FRMD4B: variants seen among roughly 807,000 people sequenced by gnomAD.
The protein encoded by FRMD4B is FERM domain-containing protein 4B.
A neutral mutation model predicts 141.5 loss-of-function variants in FRMD4B; 74 were observed. That is an observed-to-expected ratio of 0.52 (90% CI 0.43 to 0.63). FRMD4B has a LOEUF of 0.63. FRMD4B is among the 30% of genes least tolerant of loss of function. The pLI is 0.00. For missense variants in FRMD4B, 1,366 were observed against 1,253.4 expected (o/e 1.09, Z -1.36); for synonymous variants, 506 against 467.9 (o/e 1.08, Z -1.05).
chr3:69,486,511 G>A (rs1271786681), intron 1 of FRMD4B, among the ~76,000 whole-genome samples: 1 of 152,212 alleles, frequency 6.6e-6, no homozygotes, highest in Non-Finnish European at 1.5e-5. Context: ...GATTTGGCCT[G>A]TGGATTGCTG....
At chr3:69,376,991 G>A (rs900695167) in intron 1 of FRMD4B, 9 of 151,916 alleles carry the variant, frequency 5.9e-5, no homozygotes, top group East Asian at 1.9e-4. Context: ...TGAAGAGTCC[G>A]GAGAGTCCGT....
At chr3:69,401,307 G>T (rs990150455) in intron 2 of FRMD4B, among the ~76,000 whole-genome samples, 4 of 152,250 alleles carry the variant, frequency 2.6e-5, no homozygotes, top group African/African-American at 9.6e-5. Flanking sequence ...AAACTACACG[G>T]GACAGAGGAG....
intron 1 of FRMD4B, among the ~76,000 whole-genome samples, chr3:69,531,724 CA>C (rs1701011538): frequency 6.6e-6 from 1 of 152,174 alleles, no homozygotes; most frequent in East Asian, 1.9e-4. Flanking sequence ...CTCTGAGATC[CA>C]AAAAAGACCA....
At chr3:69,466,099 G>C (rs1325578604) in intron 1 of FRMD4B, among the ~76,000 whole-genome samples, 1 of 152,030 alleles carries the variant, frequency 6.6e-6, no homozygotes, top group Non-Finnish European at 1.5e-5. Flanking sequence ...GGCATGAGAT[G>C]GTATCTCACT....
intron 1 of FRMD4B, among the ~76,000 whole-genome samples, chr3:69,349,905 T>G (rs1384957964): frequency 6.6e-6 from 1 of 152,122 alleles, no homozygotes; most frequent in Non-Finnish European, 1.5e-5. Context: ...ATTCAGGACA[T>G]AGGCATGGGC....
intron 1 of FRMD4B, among the ~76,000 whole-genome samples, chr3:69,504,486 C>T (rs1344436214): frequency 1.3e-5 from 2 of 152,166 alleles, no homozygotes; most frequent in Non-Finnish European, 2.9e-5. Context: ...CCACCCCTCC[C>T]AGACCCAGGC....
At chr3:69,497,852 C>A (rs1261022467) in intron 1 of FRMD4B, among the ~76,000 whole-genome samples, 1 of 152,258 alleles carries the variant, frequency 6.6e-6, no homozygotes, top group African/African-American at 2.4e-5. Flanking sequence ...TCCTGAGTAT[C>A]TGGGACTACA....
chr3:69,256,540 G>A (rs937468962), intron 5 of FRMD4B, among the ~76,000 whole-genome samples: 34 of 152,082 alleles, frequency 2.2e-4, no homozygotes, highest in African/African-American at 7.0e-4. Flanking sequence ...GGCTGGTCTC[G>A]AACTCCTGAC....
chr3:69,510,533 A>T (rs1469439384), intron 1 of FRMD4B, among the ~76,000 whole-genome samples: 1 of 152,214 alleles, frequency 6.6e-6, no homozygotes, highest in African/African-American at 2.4e-5. Context: ...AAAGCAATTT[A>T]ACTTTCAAAT....
intron 2 of FRMD4B, among the ~76,000 whole-genome samples, chr3:69,429,907 G>A (rs907500653): frequency 2.0e-5 from 3 of 151,894 alleles, no homozygotes; most frequent in Non-Finnish European, 4.4e-5. Context: ...TTATAGGCAT[G>A]CACCACCACG....
At chr3:69,325,112 A>AGAAAGAAAGAAAGAAAGAAAGAAAGAAT in intron 1 of FRMD4B, among the ~76,000 whole-genome samples, 1 of 151,630 alleles carries the variant, frequency 6.6e-6, no homozygotes, top group Non-Finnish European at 1.5e-5. Flanking sequence ...AAAGAAAGAA[A>AGAAAGAAAGAAAGAAAGAAAGAAAGAAT]GAAAGAAAGA....
At chr3:69,505,104 T>G (rs2107078339) in intron 1 of FRMD4B, among the ~76,000 whole-genome samples, 1 of 152,304 alleles carries the variant, frequency 6.6e-6, no homozygotes, top group South Asian at 2.1e-4. Context: ...CATAAGTGGC[T>G]TATGCCTATA....
chr3:69,377,149 T>C (rs1431056522), intron 1 of FRMD4B: 1 of 152,206 alleles, frequency 6.6e-6, no homozygotes, highest in Non-Finnish European at 1.5e-5. Flanking sequence ...AATTAAAAAT[T>C]AGTTTTTGGG....
chr3:69,471,254 T>A lies in FRMD4B; in HGVS notation c.-128-38493A>T, dbSNP rs528240419. 2.6e-5 allele frequency among the ~76,000 whole-genome samples: 4 copies of A among 152,302 alleles called. No homozygotes were observed. In the East Asian group the frequency reaches 7.7e-4, roughly 29 times the overall value. On this transcript the variant is annotated intron_variant, in intron 1 of 5. Coordinates refer to the FRMD4B transcript ENST00000459638. ...CCAGCCTCATTCCTTGTCAACTGGA[T>A]AACTTCAGAAAAGTGTTTTAACTTC... is the stretch of plus-strand genomic sequence containing the variant.
intron 2 of FRMD4B, among the ~76,000 whole-genome samples, chr3:69,431,519 A>G (rs1392672179): frequency 6.6e-6 from 1 of 152,230 alleles, no homozygotes; most frequent in Admixed American, 6.5e-5. Context: ...ACTCAATGAT[A>G]AAATCAACCA....
chr3:69,521,852 C>G lies in FRMD4B; in HGVS notation c.-129+20354G>C, dbSNP rs79127534. On this transcript the variant is annotated intron_variant, in intron 1 of 5. Coordinates refer to the FRMD4B transcript ENST00000459638. ...AAATGTCGCTCCAAAGACAAACTTT[C>G]CACAACAGCTAATCCAAAGTAACAC... Among the ~76,000 whole-genome samples, 479 of 152,284 alleles carry G rather than the reference C, an allele frequency of 3.1e-3. 5 individuals carry two copies. Among genetic ancestry groups the G allele is most frequent in the African/African-American group, 0.011 (451 of 41,564 alleles).
chr3:69,272,670 T>C (rs181044630), intron 5 of FRMD4B, among the ~76,000 whole-genome samples: 2 of 152,360 alleles, frequency 1.3e-5, no homozygotes, highest in African/African-American at 4.8e-5. Flanking sequence ...TGAATGTATT[T>C]TAGTTCTTGG....
chr3:69,248,605 A>G (rs77903959), intron 7 of FRMD4B, among the ~76,000 whole-genome samples: 3,256 of 152,332 alleles, frequency 0.021, 113 homozygotes, highest in African/African-American at 0.075. Flanking sequence ...AAAGGGAAGC[A>G]TTGCCTCCAC....
chr3:69,385,068 A>AC (rs1410363650), intron 1 of FRMD4B, among the ~76,000 whole-genome samples: 2 of 116,906 alleles, frequency 1.7e-5, no homozygotes, highest in African/African-American at 4.5e-5. Flanking sequence ...ATTACTGTCT[A>AC]AAAAAAAAAA....
Sources: allele counts gnomAD v4.1 joint callset (sites outside exome capture counted in the v4.1 genomes callset), GRCh38; gene constraint gnomAD v4.1.1; transcripts MANE v1.5; gene names NCBI Gene and HGNC (gene_info 2026-07-23, HGNC 2026-07-21).